Variants in LRFN5 observed in about 807,000 individuals in gnomAD.
LRFN5 encodes leucine-rich repeat and fibronectin type-III domain-containing protein 5.
LRFN5 carries 24 observed loss-of-function variants against 45.6 expected under a neutral mutation model. The ratio of observed to expected loss-of-function variants is 0.53; its 90% confidence interval spans 0.38 to 0.74. LRFN5 has a LOEUF of 0.74. LRFN5 is among the 30% of genes least tolerant of loss of function. The probability of loss-of-function intolerance (pLI) is 0.00; values close to 1 mark genes in which losing one functional copy is unlikely to be tolerated. For synonymous variants in LRFN5, 340 were observed against 313.8 expected (o/e 1.08, Z -0.88); for missense variants, 776 against 861.5 (o/e 0.90, Z 1.24).
At chr14:41,708,842 G>A (rs1883171800) in intron 1 of LRFN5, among the ~76,000 whole-genome samples, 1 of 151,652 alleles carries the variant, frequency 6.6e-6, no homozygotes, top group African/African-American at 2.4e-5. Context: ...AGATAGCGTT[G>A]TGTACTTCCA....
chr14:41,859,215 C>T (rs1023370318), intron 2 of LRFN5, among the ~76,000 whole-genome samples: 4 of 152,124 alleles, frequency 2.6e-5, no homozygotes, highest in African/African-American at 7.2e-5. Context: ...TCCAGCATAC[C>T]ACTGGATTCA....
intron 1 of LRFN5, among the ~76,000 whole-genome samples, chr14:41,642,025 T>C (rs1237721005): frequency 6.6e-6 from 1 of 152,178 alleles, no homozygotes. Flanking sequence ...TCATGTGTTA[T>C]TTATTGATTT....
intron 3 of LRFN5, among the ~76,000 whole-genome samples, chr14:41,888,469 G>A (rs1368467731): frequency 3.9e-5 from 6 of 152,142 alleles, no homozygotes; most frequent in Admixed American, 6.5e-5. Context: ...GCAAATCTTC[G>A]TCTTTTGAGG....
intron 1 of LRFN5, among the ~76,000 whole-genome samples, chr14:41,756,429 CAT>C (rs1350696912): frequency 6.6e-6 from 1 of 152,214 alleles, no homozygotes; most frequent in East Asian, 1.9e-4. Context: ...GACCTTTTCA[CAT>C]AGTCCCATAT....
intron 2 of LRFN5, among the ~76,000 whole-genome samples, chr14:41,833,057 A>G (rs926533715): frequency 1.3e-5 from 2 of 152,152 alleles, no homozygotes; most frequent in African/African-American, 4.8e-5. Flanking sequence ...TCAGGGAATC[A>G]TGCCATATTA....
At position 41,607,697 on chromosome 14, in the gene LRFN5, T is replaced by A. The variant is rs1265506145; in HGVS notation, c.-1062T>A. 1 of 152,332 alleles carries A rather than the reference T, an allele frequency of 6.6e-6. No homozygotes were observed. The highest frequency in any genetic ancestry group is 2.4e-5 in the African/African-American group (1 of 41,456). The allele number at this position is 152,332 out of a possible 1,614,324, so 9.4% of individuals were successfully genotyped here. On this transcript the variant is annotated 5_prime_UTR_variant, in exon 1 of 6. Coordinates refer to ENST00000298119, the MANE Select transcript of LRFN5 (RefSeq NM_152447.5). Reference sequence around the variant, plus strand: ...TTTTCCTGGCTGGATTTGGAGCGGCTGCTGGGCTGTGGACCCAGGTGTGTG... The same window carrying A: ...TTTTCCTGGCTGGATTTGGAGCGGCAGCTGGGCTGTGGACCCAGGTGTGTG...
intron 1 of LRFN5, among the ~76,000 whole-genome samples, chr14:41,670,500 G>A (rs1881153866): frequency 6.6e-6 from 1 of 150,908 alleles, no homozygotes; most frequent in Admixed American, 6.6e-5. Flanking sequence ...GCTTAATTAG[G>A]AAAATATCCC....
In LRFN5 at chr14:41,608,194, G is replaced by GGTGTGC. The variant is rs1239649303; in HGVS notation, c.-557_-552dup. 4 of 153,476 alleles carry GGTGTGC rather than the reference G, an allele frequency of 2.6e-5. No individual in the cohort carries two copies. Among genetic ancestry groups the GGTGTGC allele is most frequent in the African/African-American group, 7.2e-5 (3 of 41,558 alleles). The allele number at this position is 153,476 out of a possible 1,614,324, so 9.5% of individuals were successfully genotyped here. On this transcript the variant is annotated 5_prime_UTR_variant, in exon 1 of 6. Transcript: ENST00000298119. ...GCTGCTTCCTCCCCGTGCAGTGCTGGGTGTGCGTGTGCGAGTGTGAGTGCA... is the reference window on the plus strand; with the variant it reads ...GCTGCTTCCTCCCCGTGCAGTGCTGGGTGTGCGTGTGCGTGTGCGAGTGTGAGTGCA...
chr14:41,863,121 C>T (rs1734889100), intron 2 of LRFN5, among the ~76,000 whole-genome samples: 1 of 152,094 alleles, frequency 6.6e-6, no homozygotes, highest in South Asian at 2.1e-4. Flanking sequence ...GCCTCAGCCT[C>T]CCCAAAGTAC....
chr14:41,629,172 C>A (rs1272681445), intron 1 of LRFN5, among the ~76,000 whole-genome samples: 1 of 152,126 alleles, frequency 6.6e-6, no homozygotes, highest in Non-Finnish European at 1.5e-5. Flanking sequence ...TATTTTAGAT[C>A]ATATATACTG....
intron 2 of LRFN5, among the ~76,000 whole-genome samples, chr14:41,816,554 A>T (rs1252107882): frequency 6.6e-6 from 1 of 151,710 alleles, no homozygotes; most frequent in Non-Finnish European, 1.5e-5. Flanking sequence ...AGAGTACAGT[A>T]TTCTATGTTT....
At chr14:41,760,510 C>T (rs1885616275) in intron 1 of LRFN5, among the ~76,000 whole-genome samples, 1 of 152,310 alleles carries the variant, frequency 6.6e-6, no homozygotes, top group Admixed American at 6.5e-5. Context: ...GGCTTCTACA[C>T]ATTTACACAT....
At chr14:41,865,982 A>G (rs1056018064) in intron 2 of LRFN5, among the ~76,000 whole-genome samples, 5 of 152,122 alleles carry the variant, frequency 3.3e-5, no homozygotes, top group African/African-American at 1.2e-4. Flanking sequence ...ATGATTTTCA[A>G]CTACTTTTTC....
At chr14:41,810,956 A>G (rs1409628232) in intron 2 of LRFN5, among the ~76,000 whole-genome samples, 1 of 152,060 alleles carries the variant, frequency 6.6e-6, no homozygotes, top group African/African-American at 2.4e-5. Flanking sequence ...TAAAAATGAT[A>G]TCTGAATAAA....
In LRFN5 at chr14:41,829,458, C is replaced by T. The variant is rs1888404861; in HGVS notation, c.-20-57148C>T. On this transcript the variant is annotated intron_variant, in intron 2 of 5. Transcript: ENST00000298119. Reference sequence around the variant, plus strand: ...GAATTTATGATGAGATGAGCAATTTCAGACAAATTGTCGACACTGTCTGGT... The same window carrying T: ...GAATTTATGATGAGATGAGCAATTTTAGACAAATTGTCGACACTGTCTGGT... 2.0e-5 allele frequency among the ~76,000 whole-genome samples: 3 copies of T among 152,044 alleles called. No homozygotes were observed. In the South Asian group the frequency reaches 6.2e-4, roughly 32 times the overall value.
intron 1 of LRFN5, among the ~76,000 whole-genome samples, chr14:41,719,418 A>C (rs959965169): frequency 2.8e-5 from 4 of 142,038 alleles, no homozygotes; most frequent in African/African-American, 1.3e-4. Context: ...GTGGTATTTT[A>C]ATATATGTTA....
chr14:41,651,727 G>A (rs967635423), intron 1 of LRFN5, among the ~76,000 whole-genome samples: 3 of 152,134 alleles, frequency 2.0e-5, no homozygotes, highest in African/African-American at 7.2e-5. Context: ...TACTATATTG[G>A]ATGATTCCTA....
At chr14:41,765,158 A>T (rs914212633) in intron 1 of LRFN5, among the ~76,000 whole-genome samples, 2 of 151,940 alleles carry the variant, frequency 1.3e-5, no homozygotes, top group Non-Finnish European at 2.9e-5. Flanking sequence ...TGGCTAACAC[A>T]GTGAAACCCC....
At chr14:41,704,478 C>T (rs1441459568) in intron 1 of LRFN5, among the ~76,000 whole-genome samples, 2 of 98,270 alleles carry the variant, frequency 2.0e-5, no homozygotes, top group Non-Finnish European at 1.8e-5. Flanking sequence ...GATTTGAAGT[C>T]TCACTATGTT....
Sources: allele counts gnomAD v4.1 joint callset (sites outside exome capture counted in the v4.1 genomes callset), GRCh38; gene constraint gnomAD v4.1.1; transcripts MANE v1.5; gene names NCBI Gene and HGNC (gene_info 2026-07-23, HGNC 2026-07-21).